The following FDFT1 variants were observed in gnomAD, a reference collection of about 807,000 sequenced individuals.
The protein encoded by FDFT1 is farnesyl-diphosphate farnesyltransferase 1.
In FDFT1, 68 loss-of-function variants were observed where a neutral mutation model predicts 46.8. The observed-to-expected ratio is 1.45, with a 90% confidence interval of 1.19 to 1.78. FDFT1 has a LOEUF of 1.78. Among genes scored for constraint, FDFT1 ranks in the 40% most tolerant of loss-of-function variants. The pLI is 0.00. For synonymous variants in FDFT1, 351 were observed against 185.1 expected, an observed-to-expected ratio of 1.90 and a Z score of -7.28; for missense variants, 928 against 524.4, an observed-to-expected ratio of 1.77 and a Z score of -7.52.
chr8:11,808,486 G>A, intron 1 of FDFT1: 3 of 1,326,576 alleles, frequency 2.3e-6, no homozygotes, highest in Non-Finnish European at 2.9e-6. Context: ...TTGAGTCTAT[G>A]GAGGAAAAAC....
chr8:11,828,221 A>G (rs1277512511), intron 5 of FDFT1, among the ~76,000 whole-genome samples: 1 of 152,110 alleles, frequency 6.6e-6, no homozygotes, highest in African/African-American at 2.4e-5. Flanking sequence ...CCAGGAGTTC[A>G]AGGCTGCAGT....
At chr8:11,817,899 C>G (rs1023753055) in intron 3 of FDFT1, among the ~76,000 whole-genome samples, 2 of 151,746 alleles carry the variant, frequency 1.3e-5, no homozygotes, top group Admixed American at 6.6e-5. Context: ...TTGCCTTTTA[C>G]TAGCTTTTCA....
At chr8:11,822,067 A>G (rs965648096) in intron 4 of FDFT1, among the ~76,000 whole-genome samples, 189 bp downstream of exon 4, 2 of 152,156 alleles carry the variant, frequency 1.3e-5, no homozygotes, top group Non-Finnish European at 2.9e-5. Context: ...GCAGCTATGT[A>G]GGATATCAGC....
chr8:11,795,802 T>A (rs556583766), exon 1 of FDFT1: 1 of 151,948 alleles, frequency 6.6e-6, no homozygotes, highest in African/African-American at 2.4e-5. Context: ...GCTGTGACGG[T>A]CTGCAGCTTC....
At chr8:11,830,504 A>T in intron 6 of FDFT1, 84 bp downstream of exon 6, 2 of 958,914 alleles carry the variant, frequency 2.1e-6, no homozygotes, top group Non-Finnish European at 3.3e-6. Flanking sequence ...TGCTATATTC[A>T]AGGATATGAT....
intron 3 of FDFT1, among the ~76,000 whole-genome samples, chr8:11,813,272 G>C (rs185362456): frequency 6.6e-6 from 1 of 152,184 alleles, no homozygotes; most frequent in African/African-American, 2.4e-5. Context: ...AGGCTTAGAA[G>C]TCTACCTGTA....
chr8:11,831,451 C>G, intron 6 of FDFT1, 67 bp from the exon 7 acceptor site: 1 of 1,461,468 alleles, frequency 6.8e-7, no homozygotes, highest in Non-Finnish European at 9.5e-7. Flanking sequence ...GTTTTCTTAC[C>G]TTTTTGTGAT....
chr8:11,828,526 G>C (rs1554526030), intron 5 of FDFT1, among the ~76,000 whole-genome samples: 1 of 152,210 alleles, frequency 6.6e-6, no homozygotes, highest in Non-Finnish European at 1.5e-5. Context: ...GCCAGCCCCT[G>C]ACCACTGTTC....
intron 1 of FDFT1, among the ~76,000 whole-genome samples, chr8:11,806,636 G>C (rs949239568): frequency 6.6e-6 from 1 of 152,132 alleles, no homozygotes; most frequent in Admixed American, 6.5e-5. Context: ...GAAACTGTTA[G>C]TTGGACTGAA....
At chr8:11,801,337 G>C (rs1383368305), upstream of FDFT1, among the ~76,000 whole-genome samples, 2 of 152,190 alleles carry the variant, frequency 1.3e-5, no homozygotes, top group Non-Finnish European at 2.9e-5. Context: ...GTTTGTTTTT[G>C]AGATGAAGTC....
chr8:11,817,310 G>A (rs755630626), intron 3 of FDFT1, among the ~76,000 whole-genome samples: 1 of 152,164 alleles, frequency 6.6e-6, no homozygotes, highest in Non-Finnish European at 1.5e-5. Flanking sequence ...CGTTCATCAG[G>A]GATATTGGCC....
intron 3 of FDFT1, among the ~76,000 whole-genome samples, chr8:11,819,748 A>G (rs892126137): frequency 2.0e-5 from 3 of 151,996 alleles, no homozygotes; most frequent in African/African-American, 7.2e-5. Flanking sequence ...CATTTGTCCA[A>G]CCTTTTCTCA....
At chr8:11,807,833 G>C (rs1453163336) in intron 1 of FDFT1, 1 of 152,242 alleles carries the variant, frequency 6.6e-6, no homozygotes, top group Non-Finnish European at 1.5e-5. Context: ...ACCAGGGTTG[G>C]ACAGTGGTAG....
chr8:11,798,683 A>G (rs1805808769), upstream of FDFT1, among the ~76,000 whole-genome samples: 2 of 152,228 alleles, frequency 1.3e-5, no homozygotes. Context: ...CTAACTTTGC[A>G]TTGTTTAGGC....
intron 4 of FDFT1, among the ~76,000 whole-genome samples, chr8:11,824,997 A>T (rs1453000475): frequency 6.6e-6 from 1 of 151,992 alleles, no homozygotes; most frequent in Admixed American, 6.6e-5. Flanking sequence ...AGCTTCCCAA[A>T]GTGCTGGGAT....
At position 11,830,431 on chromosome 8, in the gene FDFT1, G is replaced by C. The variant is rs764033347; in HGVS notation, c.879+11G>C. 4 of 1,599,270 alleles carry C rather than the reference G, an allele frequency of 2.5e-6. No homozygotes were observed. In the South Asian group the frequency reaches 4.4e-5, roughly 18 times the overall value. On this transcript the variant is annotated intron_variant, in intron 6 of 7. Coordinates refer to ENST00000220584, the MANE Select transcript of FDFT1 (RefSeq NM_004462.5). ...TGTGCTATTCCACAGGTAGGGAAGG[G>C]GGCTCCTCTGGGTGGATACGGGGCT...
chr8:11,825,934 G>C (rs1008993065), intron 4 of FDFT1, 90 bp from the exon 5 acceptor site: 11 of 829,346 alleles, frequency 1.3e-5, no homozygotes, highest in South Asian at 3.4e-5. Flanking sequence ...ATTCTCTTTT[G>C]AACCTGCTTT....
chr8:11,813,124 C>T (rs558458580), intron 3 of FDFT1, among the ~76,000 whole-genome samples: 1 of 152,256 alleles, frequency 6.6e-6, no homozygotes, highest in Non-Finnish European at 1.5e-5. Context: ...TGTATTTAAA[C>T]ATAGAAAAGG....
At chr8:11,806,779 G>C (rs116443801) in intron 1 of FDFT1, among the ~76,000 whole-genome samples, 2,218 of 152,218 alleles carry the variant, frequency 0.015, 54 homozygotes, top group African/African-American at 0.05. Context: ...CCTGCCTCTC[G>C]ATATTTTGAG....
Sources: allele counts gnomAD v4.1 joint callset (sites outside exome capture counted in the v4.1 genomes callset), GRCh38; gene constraint gnomAD v4.1.1; transcripts MANE v1.5; gene names NCBI Gene and HGNC (gene_info 2026-07-23, HGNC 2026-07-21).